KLHL2: variants seen among roughly 807,000 people sequenced by gnomAD.
KLHL2 encodes the protein kelch-like protein 2.
KLHL2 carries 15 observed loss-of-function variants against 75.8 expected under a neutral mutation model. The ratio of observed to expected loss-of-function variants is 0.20; its 90% confidence interval spans 0.13 to 0.30. KLHL2 has a LOEUF of 0.30. Among genes scored for constraint, KLHL2 ranks in the 10% least tolerant of loss-of-function variants. KLHL2 has a pLI of 1.00. For missense variants in KLHL2, 381 were observed against 741.0 expected (o/e 0.51, Z 5.64); for synonymous variants, 214 against 251.9 (o/e 0.85, Z 1.42).
chr4:165,211,092 A>G (rs1737172601), intron 1 of KLHL2, among the ~76,000 whole-genome samples: 1 of 152,212 alleles, frequency 6.6e-6, no homozygotes, highest in African/African-American at 2.4e-5. Context: ...ACCATGTTCT[A>G]AGGCATTTAG....
intron 5 of KLHL2, among the ~76,000 whole-genome samples, chr4:165,264,605 T>TATATATATATATATATATATATAC (rs757273597): frequency 1.0e-4 from 13 of 124,096 alleles, no homozygotes; most frequent in African/African-American, 2.5e-4. Context: ...TATATATATA[T>TATATATATATATATATATATATAC]ACACACACAC....
At chr4:165,285,415 A>C (rs1335775687) in intron 5 of KLHL2, among the ~76,000 whole-genome samples, 2 of 151,982 alleles carry the variant, frequency 1.3e-5, no homozygotes, top group African/African-American at 4.8e-5. Context: ...TGAATATACT[A>C]CTTTTTTTGA....
chr4:165,221,551 G>C (rs181231352), intron 2 of KLHL2, among the ~76,000 whole-genome samples: 1 of 152,156 alleles, frequency 6.6e-6, no homozygotes, highest in Non-Finnish European at 1.5e-5. Flanking sequence ...GTAGGTAGGA[G>C]GGGCCATTGG....
intron 5 of KLHL2, among the ~76,000 whole-genome samples, chr4:165,264,720 ACATATATATATATATATATG>A (rs1337762838): frequency 0.025 from 1,980 of 79,490 alleles, 40 homozygotes; most frequent in East Asian, 0.066. Flanking sequence ...ATATATATAT[ACATATATATATATATATATG>A]TATATATATA....
chr4:165,248,545 T>C (rs1740442251), intron 4 of KLHL2, among the ~76,000 whole-genome samples: 2 of 152,076 alleles, frequency 1.3e-5, no homozygotes, highest in East Asian at 3.8e-4. Context: ...AGAAAGGAAA[T>C]AGCAATGGGG....
In KLHL2 at chr4:165,310,008, T is replaced by C. The variant is rs556025615; in HGVS notation, c.1040-545T>C. Among the ~76,000 whole-genome samples the C allele has an allele frequency of 4.3e-4, 66 of 152,296 alleles. 1 individual carries two copies. The highest frequency in any genetic ancestry group is 1.3e-3 in the African/African-American group (54 of 41,566). ...TATTTAAAAAAACCAAGAGTCAACA[T>C]GGTACTTTAGCCCATGCCATTGCAT... On this transcript the variant is annotated intron_variant, in intron 9 of 14. Coordinates refer to ENST00000226725, the MANE Select transcript of KLHL2 (RefSeq NM_007246.4).
Position 165,240,733 on chromosome 4 carries a change from A to G in KLHL2, c.381+1834A>G, listed in dbSNP as rs1176959820. Reference sequence around the variant, plus strand: ...TTCATTTTAGTGCATGGGCCTCATTATGTCCTTATATTTGACCTTCAACAA... The same window carrying G: ...TTCATTTTAGTGCATGGGCCTCATTGTGTCCTTATATTTGACCTTCAACAA... On this transcript the variant is annotated intron_variant, in intron 4 of 14. Transcript: ENST00000226725. Among the ~76,000 whole-genome samples the G allele has an allele frequency of 1.3e-5, 2 of 152,126 alleles. 1 individual carries two copies. The highest frequency in any genetic ancestry group is 2.9e-5 in the Non-Finnish European group (2 of 68,018).
intron 4 of KLHL2, among the ~76,000 whole-genome samples, chr4:165,256,004 A>G (rs1211187812): frequency 6.6e-6 from 1 of 152,008 alleles, no homozygotes; most frequent in African/African-American, 2.4e-5. Flanking sequence ...AAAATAAACT[A>G]CAGATCCTAA....
At chr4:165,278,198 G>A (rs779018808) in intron 5 of KLHL2, 57 of 1,252,670 alleles carry the variant, frequency 4.6e-5, no homozygotes, top group South Asian at 1.2e-4. Flanking sequence ...CCGCTCCATC[G>A]TGACGGCGGA....
At chr4:165,269,688 A>G (rs1463966645) in intron 5 of KLHL2, among the ~76,000 whole-genome samples, 1 of 150,494 alleles carries the variant, frequency 6.6e-6, no homozygotes, top group Non-Finnish European at 1.5e-5. Context: ...ATCTGCTGTT[A>G]GTCTGATGAG....
chr4:165,223,055 A>G (rs1409360932), intron 2 of KLHL2, among the ~76,000 whole-genome samples: 1 of 152,230 alleles, frequency 6.6e-6, no homozygotes, highest in East Asian at 1.9e-4. Flanking sequence ...AAAGTACATG[A>G]CATTTTATTG....
intron 4 of KLHL2, among the ~76,000 whole-genome samples, chr4:165,255,514 C>T (rs1413582245): frequency 6.6e-6 from 1 of 151,962 alleles, no homozygotes; most frequent in Non-Finnish European, 1.5e-5. Context: ...AAGAAAGTTT[C>T]CTTCCTCTTT....
chr4:165,289,146 A>T (rs1744313953), intron 5 of KLHL2, among the ~76,000 whole-genome samples: 2 of 152,158 alleles, frequency 1.3e-5, no homozygotes, highest in South Asian at 4.1e-4. Context: ...CAACAATCTC[A>T]TTAAATTGCC....
chr4:165,242,669 G>A (rs1739910929), intron 4 of KLHL2, among the ~76,000 whole-genome samples: 1 of 151,914 alleles, frequency 6.6e-6, no homozygotes, highest in Admixed American at 6.6e-5. Context: ...GCTAATTTTT[G>A]TATTTTTAGT....
At chr4:165,251,296 A>T (rs1432211250) in intron 4 of KLHL2, among the ~76,000 whole-genome samples, 2 of 151,826 alleles carry the variant, frequency 1.3e-5, no homozygotes, top group African/African-American at 4.8e-5. Flanking sequence ...GTACTAATTT[A>T]TTATTATCCA....
chr4:165,295,369 T>C (rs1373986573), intron 6 of KLHL2, among the ~76,000 whole-genome samples: 1 of 152,196 alleles, frequency 6.6e-6, no homozygotes. Context: ...TGTGAAAGCA[T>C]TTGTGACATA....
chr4:165,233,026 C>T (rs1340193780), intron 3 of KLHL2, among the ~76,000 whole-genome samples: 1 of 151,492 alleles, frequency 6.6e-6, no homozygotes, highest in Non-Finnish European at 1.5e-5. Flanking sequence ...TTTTGTTTTC[C>T]TGTGACTAAC....
At chr4:165,278,310 C>T in intron 5 of KLHL2, 1 of 1,087,234 alleles carries the variant, frequency 9.2e-7, no homozygotes, top group East Asian at 2.4e-5. Flanking sequence ...GGCTTCACTA[C>T]TGGAATATAC....
intron 5 of KLHL2, chr4:165,278,925 C>A (rs747505687): frequency 1.1e-5 from 15 of 1,419,662 alleles, no homozygotes; most frequent in Non-Finnish European, 1.5e-5. Context: ...TTCATTAGGC[C>A]ATAGATCTCA....
Sources: allele counts gnomAD v4.1 joint callset (sites outside exome capture counted in the v4.1 genomes callset), GRCh38; gene constraint gnomAD v4.1.1; transcripts MANE v1.5; gene names NCBI Gene and HGNC (gene_info 2026-07-23, HGNC 2026-07-21).